MTHFD2L: variants seen among roughly 807,000 people sequenced by gnomAD.
MTHFD2L encodes the protein bifunctional methylenetetrahydrofolate dehydrogenase/cyclohydrolase 2, mitochondrial.
A neutral mutation model predicts 34.9 loss-of-function variants in MTHFD2L; 29 were observed. That is an observed-to-expected ratio of 0.83 (90% CI 0.62 to 1.13). The LOEUF is 1.13. Ranked by LOEUF, MTHFD2L falls within the 50% of genes most tolerant of loss-of-function variation. The pLI, the probability that MTHFD2L is intolerant of heterozygous loss-of-function variation, is 0.00. For synonymous variants in MTHFD2L, 167 were observed against 155.7 expected (o/e 1.07, Z -0.54); for missense variants, 481 against 446.5 (o/e 1.08, Z -0.70).
chr4:74,246,984 A>G (rs1378431437), intron 6 of MTHFD2L, among the ~76,000 whole-genome samples: 1 of 151,312 alleles, frequency 6.6e-6, no homozygotes, highest in Non-Finnish European at 1.5e-5. Flanking sequence ...TTCCATATGA[A>G]CTTTCAAGTA....
intron 5 of MTHFD2L, among the ~76,000 whole-genome samples, chr4:74,210,776 G>A (rs754134627): frequency 2.0e-5 from 3 of 152,108 alleles, no homozygotes; most frequent in Non-Finnish European, 4.4e-5. Flanking sequence ...ATTACTTTGG[G>A]CAGTATGGCC....
chr4:74,262,148 A>C (rs991087639), intron 6 of MTHFD2L, among the ~76,000 whole-genome samples: 1 of 151,970 alleles, frequency 6.6e-6, no homozygotes, highest in African/African-American at 2.4e-5. Context: ...AAAACTAAAT[A>C]CTTCAATCAA....
intron 6 of MTHFD2L, among the ~76,000 whole-genome samples, chr4:74,231,227 C>T (rs1269484786): frequency 2.0e-5 from 3 of 152,130 alleles, no homozygotes; most frequent in Non-Finnish European, 4.4e-5. Flanking sequence ...ACCACTTCTC[C>T]AATCATATTA....
chr4:74,174,785 C>T, intron 2 of MTHFD2L, 95 bp downstream of exon 2: 1 of 848,244 alleles, frequency 1.2e-6, no homozygotes, highest in Non-Finnish European at 1.7e-6. Flanking sequence ...CAAATAAGTG[C>T]CATTTGAATT....
intron 3 of MTHFD2L, among the ~76,000 whole-genome samples, chr4:74,185,523 C>CAAAACT (rs1731055873): frequency 6.6e-6 from 1 of 151,966 alleles, no homozygotes; most frequent in South Asian, 2.1e-4. Context: ...TCATAAAAAT[C>CAAAACT]AGTAAAACCA....
At chr4:74,161,872 A>G (rs1311185781) in intron 1 of MTHFD2L, 1 of 152,234 alleles carries the variant, frequency 6.6e-6, no homozygotes, top group Non-Finnish European at 1.5e-5. Context: ...CATGGAGCTC[A>G]GTGAAATTAC....
intron 6 of MTHFD2L, among the ~76,000 whole-genome samples, chr4:74,270,136 T>G (rs1051064897): frequency 6.6e-6 from 1 of 152,028 alleles, no homozygotes. Context: ...AGTGGTTTTC[T>G]TTTTGTCCAA....
intron 6 of MTHFD2L, among the ~76,000 whole-genome samples, chr4:74,239,337 GT>G (rs1182158259): frequency 6.6e-6 from 1 of 152,230 alleles, no homozygotes; most frequent in African/African-American, 2.4e-5. Flanking sequence ...GCCTGTCGTA[GT>G]TTGGGGGGGC....
In MTHFD2L at chr4:74,192,661, T is replaced by G. The variant is rs145076697; in HGVS notation, c.452-7133T>G. Among the ~76,000 whole-genome samples the G allele has an allele frequency of 2.6e-5, 4 of 152,274 alleles. No individual in the cohort carries two copies. The East Asian group carries it at 7.7e-4, about 29-fold the overall frequency. On this transcript the variant is annotated intron_variant, in intron 3 of 7. Transcript: ENST00000325278. ...TCCCAGACAGTCGCTATCTCTTTCATCCTCACACTCAGGTAACCACTGTTC... is the reference window on the plus strand; with the variant it reads ...TCCCAGACAGTCGCTATCTCTTTCAGCCTCACACTCAGGTAACCACTGTTC...
chr4:74,232,812 A>G (rs1232222411), intron 6 of MTHFD2L, among the ~76,000 whole-genome samples: 2 of 152,190 alleles, frequency 1.3e-5, no homozygotes, highest in Admixed American at 6.5e-5. Context: ...GTGCTTCTTC[A>G]TAAAATGCTT....
At chr4:74,180,785 A>C (rs1729998717) in intron 3 of MTHFD2L, 1 of 411,890 alleles carries the variant, frequency 2.4e-6, no homozygotes, top group Non-Finnish European at 5.1e-6. Context: ...AAGGAGAAAT[A>C]AAAATGACCG....
intron 5 of MTHFD2L, among the ~76,000 whole-genome samples, chr4:74,216,539 T>C (rs764256666): frequency 2.0e-5 from 3 of 151,804 alleles, no homozygotes; most frequent in Admixed American, 6.5e-5. Context: ...TTTGCAGCCC[T>C]ATAGCTTTAA....
At chr4:74,216,804 C>A (rs1737284192) in intron 5 of MTHFD2L, among the ~76,000 whole-genome samples, 1 of 151,788 alleles carries the variant, frequency 6.6e-6, no homozygotes, top group African/African-American at 2.4e-5. Context: ...TATGATATCA[C>A]CACCTGGACT....
chr4:74,257,548 CATTA>C (rs971429945), intron 6 of MTHFD2L, among the ~76,000 whole-genome samples: 3 of 151,972 alleles, frequency 2.0e-5, no homozygotes, highest in Admixed American at 2.0e-4. Flanking sequence ...ATTAGGATTC[CATTA>C]ATTAGAGGAT....
At chr4:74,234,795 C>CGTG (rs576512591) in intron 6 of MTHFD2L, among the ~76,000 whole-genome samples, 70 of 113,690 alleles carry the variant, frequency 6.2e-4, no homozygotes, top group African/African-American at 3.4e-3. Context: ...GAAAAGGAGA[C>CGTG]AGTGTGTGTG....
chr4:74,254,163 C>T (rs1743686452), intron 6 of MTHFD2L, among the ~76,000 whole-genome samples: 1 of 152,054 alleles, frequency 6.6e-6, no homozygotes, highest in Admixed American at 6.6e-5. Flanking sequence ...CTAAAATCTG[C>T]AGAGGGAAAT....
intron 2 of MTHFD2L, among the ~76,000 whole-genome samples, chr4:74,116,499 A>T (rs768776253): frequency 6.6e-6 from 1 of 152,232 alleles, no homozygotes; most frequent in Non-Finnish European, 1.5e-5. Flanking sequence ...AGCAAATTGC[A>T]TAAAACTATA....
chr4:74,247,269 G>C (rs1353036786), intron 6 of MTHFD2L, among the ~76,000 whole-genome samples: 1 of 151,616 alleles, frequency 6.6e-6, no homozygotes, highest in Non-Finnish European at 1.5e-5. Context: ...CTCATGATTT[G>C]GCTCTCTGTT....
chr4:74,129,572 A>G (rs1722319645), intron 1 of MTHFD2L, among the ~76,000 whole-genome samples: 1 of 152,174 alleles, frequency 6.6e-6, no homozygotes, highest in Non-Finnish European at 1.5e-5. Flanking sequence ...TCTCTGGGAC[A>G]CAGCTAAAGA....
Sources: gnomAD v4.1 joint callset for allele counts (sites outside exome capture counted in the v4.1 genomes callset) on GRCh38, gnomAD v4.1.1 for gene constraint, MANE v1.5 for transcripts, NCBI Gene and HGNC (gene_info 2026-07-23, HGNC 2026-07-21) for gene names.